AKT3: variants seen among roughly 807,000 people sequenced by gnomAD.
AKT3 encodes the protein RAC-gamma serine/threonine-protein kinase.
In AKT3, 15 loss-of-function variants were observed where a neutral mutation model predicts 65.3. The observed-to-expected ratio is 0.23, with a 90% confidence interval of 0.15 to 0.35. The LOEUF is 0.35. Ranked by LOEUF, AKT3 falls within the 10% of genes least tolerant of loss-of-function variation. AKT3 has a pLI of 1.00. For synonymous variants in AKT3, 206 were observed against 183.8 expected (o/e 1.12, Z -0.98); for missense variants, 243 against 576.5 (o/e 0.42, Z 5.92).
At chr1:243,581,790 T>C (rs1025246384) in intron 8 of AKT3, among the ~76,000 whole-genome samples, 5 of 151,872 alleles carry the variant, frequency 3.3e-5, no homozygotes, top group East Asian at 1.9e-4. Context: ...AAAGTAGGGA[T>C]TGCAGTAAGC....
chr1:243,622,362 C>T (rs1678820014), intron 6 of AKT3, among the ~76,000 whole-genome samples: 1 of 152,300 alleles, frequency 6.6e-6, no homozygotes, highest in East Asian at 1.9e-4. Flanking sequence ...AAATCGCTAC[C>T]ATCATTATTC....
chr1:243,660,630 A>G (rs1266361592), intron 4 of AKT3, among the ~76,000 whole-genome samples: 1 of 152,210 alleles, frequency 6.6e-6, no homozygotes. Flanking sequence ...AACTGGAAGC[A>G]TTCTCTTTGA....
At chr1:243,829,984 C>T (rs750357170) in intron 2 of AKT3, among the ~76,000 whole-genome samples, 17 of 152,152 alleles carry the variant, frequency 1.1e-4, no homozygotes, top group African/African-American at 3.6e-4. Context: ...CTGGGCACTA[C>T]GCTGTAAGAG....
chr1:243,643,072 T>C (rs1334764623), intron 5 of AKT3, among the ~76,000 whole-genome samples: 2 of 152,200 alleles, frequency 1.3e-5, no homozygotes. Context: ...GGAGCTAATG[T>C]TATTAGTCAA....
intron 2 of AKT3, among the ~76,000 whole-genome samples, chr1:243,719,535 T>C (rs1686740795): frequency 6.6e-6 from 1 of 152,176 alleles, no homozygotes; most frequent in African/African-American, 2.4e-5. Context: ...CACTGTTGAG[T>C]GTATCAGTGA....
chr1:243,574,469 A>G (rs548777905), intron 8 of AKT3, among the ~76,000 whole-genome samples: 2 of 152,222 alleles, frequency 1.3e-5, no homozygotes, highest in African/African-American at 4.8e-5. Context: ...ACGAATTGGG[A>G]CTGCATCATC....
chr1:243,652,459 G>A (rs985898611), intron 4 of AKT3, among the ~76,000 whole-genome samples: 8 of 152,132 alleles, frequency 5.3e-5, no homozygotes, highest in Middle Eastern at 3.4e-3. Context: ...CACTAAACAC[G>A]CAAAGGAACA....
intron 6 of AKT3, among the ~76,000 whole-genome samples, chr1:243,625,532 G>A (rs1300632307): frequency 6.6e-6 from 1 of 152,126 alleles, no homozygotes; most frequent in Non-Finnish European, 1.5e-5. Context: ...CTTGAGCTAT[G>A]GCTGTTAGCC....
At chr1:243,646,362 T>G (rs1680813937) in intron 4 of AKT3, among the ~76,000 whole-genome samples, 1 of 123,580 alleles carries the variant, frequency 8.1e-6, no homozygotes, top group African/African-American at 2.7e-5. Context: ...TATATCCTAC[T>G]TTTTTTTTTT....
intron 2 of AKT3, among the ~76,000 whole-genome samples, chr1:243,798,179 T>C (rs1284603190): frequency 6.8e-6 from 1 of 147,422 alleles, no homozygotes; most frequent in African/African-American, 2.5e-5. Context: ...AGTGCTGGGA[T>C]TACAGGCGTG....
chr1:243,721,827 C>T (rs117125436), intron 2 of AKT3, among the ~76,000 whole-genome samples: 1 of 152,206 alleles, frequency 6.6e-6, no homozygotes, highest in East Asian at 1.9e-4. Flanking sequence ...TTAGATAACA[C>T]TCCTGTTGCT....
At chr1:243,747,719 AT>A (rs1172937023) in intron 2 of AKT3, among the ~76,000 whole-genome samples, 1 of 152,260 alleles carries the variant, frequency 6.6e-6, no homozygotes, top group African/African-American at 2.4e-5. Context: ...GGGAATTACC[AT>A]AGAAAACCAC....
intron 3 of AKT3, among the ~76,000 whole-genome samples, chr1:243,692,655 T>C (rs574989031): frequency 6.6e-6 from 1 of 152,034 alleles, no homozygotes; most frequent in Non-Finnish European, 1.5e-5. Flanking sequence ...GGAGAATCAC[T>C]TGAACCCGGA....
chr1:243,747,070 A>G (rs1416884536), intron 2 of AKT3, among the ~76,000 whole-genome samples: 1 of 152,212 alleles, frequency 6.6e-6, no homozygotes, highest in Non-Finnish European at 1.5e-5. Context: ...GGGTTTTTAC[A>G]TGCCCAGGAA....
intron 12 of AKT3, among the ~76,000 whole-genome samples, chr1:243,514,327 C>G (rs1218715871): frequency 6.6e-6 from 1 of 152,138 alleles, no homozygotes; most frequent in Non-Finnish European, 1.5e-5. Flanking sequence ...TGACCTGTAA[C>G]TTTAACAAAC....
At chr1:243,796,987 T>C (rs550661989) in intron 2 of AKT3, among the ~76,000 whole-genome samples, 16 of 152,090 alleles carry the variant, frequency 1.1e-4, no homozygotes, top group African/African-American at 2.9e-4. Context: ...AAATAAAAAA[T>C]TACTGTTTAA....
At chr1:243,570,295 A>C (rs186287258) in intron 9 of AKT3, among the ~76,000 whole-genome samples, 1 of 152,354 alleles carries the variant, frequency 6.6e-6, no homozygotes, top group East Asian at 1.9e-4. Context: ...TAATGAGAAC[A>C]GAGACAAATC....
intron 2 of AKT3, among the ~76,000 whole-genome samples, chr1:243,757,690 A>G (rs115384922): frequency 0.016 from 2,504 of 152,342 alleles, 83 homozygotes; most frequent in African/African-American, 0.056. Context: ...ATTTCAAAAT[A>G]AAAATAAATG....
chr1:243,588,743 A>T (rs1315554663), intron 8 of AKT3, among the ~76,000 whole-genome samples: 1 of 152,180 alleles, frequency 6.6e-6, no homozygotes, highest in Non-Finnish European at 1.5e-5. Context: ...CCAACTCAAA[A>T]TGGATTAAAA....
Sources: gnomAD v4.1 joint callset for allele counts (sites outside exome capture counted in the v4.1 genomes callset) on GRCh38, gnomAD v4.1.1 for gene constraint, MANE v1.5 for transcripts, NCBI Gene and HGNC (gene_info 2026-07-23, HGNC 2026-07-21) for gene names.